HFM1: variants seen among roughly 807,000 people sequenced by gnomAD.
HFM1 encodes the protein probable ATP-dependent DNA helicase HFM1.
A neutral mutation model predicts 192.1 loss-of-function variants in HFM1; 169 were observed. The observed-to-expected ratio is 0.88, with a 90% CI of 0.78 to 1.00. HFM1 has a LOEUF of 1.00. HFM1 is among the 50% of genes least tolerant of loss of function. The pLI is 0.00. For synonymous variants in HFM1, 525 were observed against 537.8 expected (o/e 0.98, Z 0.33); for missense variants, 1,661 against 1,668.0 (o/e 1.00, Z 0.07).
chr1:91,268,252 T>C lies in HFM1; in HGVS notation c.3773-397A>G, dbSNP rs540731765. On this transcript the variant is annotated intron_variant, in intron 34 of 38. Coordinates refer to ENST00000370425, the MANE Select transcript of HFM1 (RefSeq NM_001017975.6). ...ATATTAGAATAACTCTACTCCAAGATTGGATTATAATAGTTTCTAAAATGG... is the reference window on the plus strand; with the variant it reads ...ATATTAGAATAACTCTACTCCAAGACTGGATTATAATAGTTTCTAAAATGG... Among the ~76,000 whole-genome samples the C allele has an allele frequency of 1.9e-3, 293 of 152,114 alleles. 1 individual carries two copies. Among genetic ancestry groups the C allele is most frequent in the African/African-American group, 6.7e-3 (279 of 41,556 alleles).
chr1:91,288,893 C>T (rs1668344284), intron 30 of HFM1, among the ~76,000 whole-genome samples: 2 of 152,368 alleles, frequency 1.3e-5, no homozygotes, highest in South Asian at 2.1e-4. Flanking sequence ...CTGTTGGGTA[C>T]ACCTCCCAGA....
intron 2 of HFM1, among the ~76,000 whole-genome samples, chr1:91,399,118 G>C (rs1466965104): frequency 6.6e-6 from 1 of 152,120 alleles, no homozygotes; most frequent in African/African-American, 2.4e-5. Context: ...TACTTACTGA[G>C]TACTATGTGC....
chr1:91,349,490 C>G (rs1294876758), intron 18 of HFM1, among the ~76,000 whole-genome samples: 1 of 152,166 alleles, frequency 6.6e-6, no homozygotes, highest in African/African-American at 2.4e-5. Context: ...CTCTGTCTCT[C>G]TCTCTCTTTC....
chr1:91,309,408 A>G (rs776071509), intron 30 of HFM1, among the ~76,000 whole-genome samples: 20 of 152,256 alleles, frequency 1.3e-4, no homozygotes, highest in Non-Finnish European at 2.2e-4. Flanking sequence ...TTTGAAAGCT[A>G]GTCCTAAAAA....
chr1:91,328,256 C>A (rs748631460), intron 20 of HFM1: 5 of 633,428 alleles, frequency 7.9e-6, no homozygotes, highest in Non-Finnish European at 1.2e-5. Context: ...GAGTGTCAGG[C>A]GACCCGCAGC....
intron 13 of HFM1, among the ~76,000 whole-genome samples, chr1:91,367,042 C>A (rs539872208): frequency 1.3e-5 from 2 of 152,236 alleles, no homozygotes; most frequent in South Asian, 2.1e-4. Flanking sequence ...AACTGCAAGG[C>A]GGCAGTGAGG....
intron 4 of HFM1, 60 bp from the exon 5 acceptor site, chr1:91,385,894 A>C: frequency 7.0e-7 from 1 of 1,421,146 alleles, no homozygotes; most frequent in Non-Finnish European, 9.6e-7. Context: ...TGGAATATGA[A>C]AAACTAGCAT....
chr1:91,283,891 T>G (rs182335673), intron 30 of HFM1, among the ~76,000 whole-genome samples: 1 of 152,300 alleles, frequency 6.6e-6, no homozygotes, highest in East Asian at 1.9e-4. Context: ...TAATTTGGTC[T>G]GTGCAGAAGC....
rs765588815 is a variant in HFM1, at chr1:91,313,468, G to T, written c.3272C>A (p.Thr1091Lys). ...CCTCTTGGGTTCTAAGTAAAAGACT[G>T]TAAGTTTCTGCTGAATATCAAGCCC... ...FVGLDIQQKL[T>K]VFYLEPKRFG... The change falls in exon 30 of 39, where the codon ACA becomes AAA. Residue 1091 changes from threonine to lysine, a missense_variant. Coordinates refer to ENST00000370425, the MANE Select transcript of HFM1 (RefSeq NM_001017975.6). The T allele has an allele frequency of 1.9e-6, 3 of 1,589,426 alleles. No individual in the cohort carries two copies. The highest frequency in any genetic ancestry group is 1.2e-5 in the South Asian group (1 of 84,840).
Position 91,266,083 on chromosome 1 carries a change from C to T in HFM1, c.3908G>A (p.Ser1303Asn), listed in dbSNP as rs764632997. The T allele has an allele frequency of 6.3e-7, 1 of 1,587,580 alleles. No individual in the cohort carries two copies. The highest frequency in any genetic ancestry group is 8.5e-7 in the Non-Finnish European group (1 of 1,172,674). ...AAGGGGTAGCTTACTTCCCCTGGTA[C>T]TTGAACTCAAAGTGTTTCCAAATCC... Reference protein sequence around the residue: ...ISGFGNTLSSSTRGSKLPLQE... With the variant: ...ISGFGNTLSSNTRGSKLPLQE... Residue 1303 changes from serine (S) to asparagine (N), a missense_variant, in exon 36 of 39, where the codon AGT becomes AAT. By Grantham distance (46) the Ser-to-Asn change is conservative. Transcript: ENST00000370425.
chr1:91,315,952 C>T lies in HFM1; in HGVS notation c.3003G>A (p.Thr1001=), dbSNP rs1333512848. 1.1e-5 allele frequency: 18 copies of T among 1,589,680 alleles called. No individual in the cohort carries two copies. The highest frequency in any genetic ancestry group is 2.2e-5 in the South Asian group (2 of 90,284). The change falls in exon 28 of 39, where the codon ACG becomes ACA. Residue 1001 remains threonine (T), a synonymous_variant. Transcript: ENST00000370425. Reference sequence around the variant, plus strand: ...TAACAGTCACTAATATTTCTGCCGTCGTATCACTATATCTTGTAATCTTTA... The same window carrying T: ...TAACAGTCACTAATATTTCTGCCGTTGTATCACTATATCTTGTAATCTTTA... The part of the protein sequence containing the change: ...KVEQITRYSD[T]TAEILVTVIL...
At chr1:91,290,615 C>A (rs542048734) in intron 30 of HFM1, among the ~76,000 whole-genome samples, 11 of 152,248 alleles carry the variant, frequency 7.2e-5, no homozygotes, top group Admixed American at 2.0e-4. Context: ...GACTTTAACA[C>A]CCCACTGTCA....
intron 13 of HFM1, among the ~76,000 whole-genome samples, chr1:91,366,805 G>A (rs1659378326): frequency 2.0e-5 from 3 of 152,196 alleles, no homozygotes; most frequent in African/African-American, 4.8e-5. Context: ...GAAGCAGGGC[G>A]AGGCATCGCC....
At chr1:91,282,820 A>C (rs1469897070) in intron 30 of HFM1, among the ~76,000 whole-genome samples, 1 of 152,200 alleles carries the variant, frequency 6.6e-6, no homozygotes, top group African/African-American at 2.4e-5. Context: ...AAGAATAAAG[A>C]GTTGCCTTTG....
In HFM1 at chr1:91,266,181, C is replaced by T. The variant is rs1054650727; in HGVS notation, c.3884-74G>A. 1.2e-5 allele frequency: 14 copies of T among 1,123,220 alleles called. 1 individual carries two copies. Among genetic ancestry groups the T allele is most frequent in the South Asian group, 4.2e-5 (3 of 71,242 alleles). 69.6% of individuals were successfully genotyped at this position (1,123,220 alleles called of 1,614,324 possible). On this transcript the variant is annotated intron_variant, in intron 35 of 38. Transcript: ENST00000370425. Reference sequence around the variant, plus strand: ...ATGAAGCTTTTCACAAGTTCTACAACGTTCTCTCCAACAGATATGATCTGA... The same window carrying T: ...ATGAAGCTTTTCACAAGTTCTACAATGTTCTCTCCAACAGATATGATCTGA...
intron 36 of HFM1, among the ~76,000 whole-genome samples, chr1:91,263,121 A>G (rs528558956): frequency 6.6e-6 from 1 of 152,316 alleles, no homozygotes; most frequent in African/African-American, 2.4e-5. Flanking sequence ...TCAGGGAGTT[A>G]CCATCAAGCA....
Position 91,375,617 on chromosome 1 carries a change from A to G in HFM1, c.1506T>C (p.Ser502=). ...AATCAAACTTAAACTCAGTTTGGTT[A>G]CTACTGCAGGGAAATCCAAGGACCA... ...QKVVLGFPCS[S]NQTEFKFDLT... Residue 502 remains serine, a synonymous_variant, in exon 12 of 39, where the codon AGT becomes AGC. Coordinates refer to ENST00000370425, the MANE Select transcript of HFM1 (RefSeq NM_001017975.6). The G allele has an allele frequency of 6.2e-7, 1 of 1,613,444 alleles. No individual in the cohort carries two copies. Among genetic ancestry groups the G allele is most frequent in the South Asian group, 1.1e-5 (1 of 91,058 alleles).
intron 30 of HFM1, among the ~76,000 whole-genome samples, chr1:91,302,973 G>T (rs1649060476): frequency 6.6e-6 from 1 of 151,772 alleles, no homozygotes; most frequent in Non-Finnish European, 1.5e-5. Flanking sequence ...TATCCTTTTT[G>T]CTGGTATACA....
chr1:91,272,215 T>A (rs1481295383), intron 34 of HFM1, among the ~76,000 whole-genome samples: 1 of 152,134 alleles, frequency 6.6e-6, no homozygotes, highest in Non-Finnish European at 1.5e-5. Flanking sequence ...ATGCATTATC[T>A]CATTTAATCC....
Sources: gnomAD v4.1 joint callset for allele counts (sites outside exome capture counted in the v4.1 genomes callset) on GRCh38, gnomAD v4.1.1 for gene constraint, MANE v1.5 for transcripts, NCBI Gene and HGNC (gene_info 2026-07-23, HGNC 2026-07-21) for gene names.